The following DPF3 variants were observed in gnomAD, a reference collection of about 807,000 sequenced individuals.
DPF3 encodes the protein double PHD fingers 3.
DPF3 carries 18 observed loss-of-function variants against 56.8 expected under a neutral mutation model. That is an observed-to-expected ratio of 0.32 (90% CI 0.22 to 0.47). The LOEUF (loss-of-function observed/expected upper bound fraction) is 0.47. Ranked by LOEUF, DPF3 falls within the 20% of genes least tolerant of loss-of-function variation. The pLI is 1.00. For synonymous variants in DPF3, 188 were observed against 180.2 expected (o/e 1.04, Z -0.35); for missense variants, 403 against 488.8 (o/e 0.82, Z 1.65).
chr14:72,621,140 CAAA>C (rs36094507), intron 9 of DPF3, among the ~76,000 whole-genome samples: 6,873 of 122,018 alleles, frequency 0.056, 191 homozygotes, highest in Middle Eastern at 0.12. Context: ...GACTCTGTCT[CAAA>C]AAAAAAAAAA....
At chr14:72,881,114 C>T (rs1009675444) in intron 1 of DPF3, among the ~76,000 whole-genome samples, 4 of 152,210 alleles carry the variant, frequency 2.6e-5, no homozygotes, top group African/African-American at 9.7e-5. Flanking sequence ...AGCCATCATC[C>T]TCCTGCAGCT....
chr14:72,836,709 A>C, intron 1 of DPF3, among the ~76,000 whole-genome samples: 1 of 152,020 alleles, frequency 6.6e-6, no homozygotes, highest in East Asian at 1.9e-4. Context: ...TCCTAACAGG[A>C]CTAGCTCTCA....
chr14:72,869,664 TGG>T (rs1157183327), intron 1 of DPF3, among the ~76,000 whole-genome samples: 2 of 152,120 alleles, frequency 1.3e-5, no homozygotes, highest in South Asian at 2.1e-4. Flanking sequence ...GCTTACCTCC[TGG>T]GGAATGTGGG....
chr14:72,668,186 T>A (rs1033926937), intron 8 of DPF3, among the ~76,000 whole-genome samples: 2 of 152,180 alleles, frequency 1.3e-5, no homozygotes, highest in Admixed American at 1.3e-4. Flanking sequence ...AGCTTCCTCA[T>A]CCGACACCTT....
chr14:72,790,803 TC>T (rs1343303643), intron 1 of DPF3, among the ~76,000 whole-genome samples: 2 of 152,036 alleles, frequency 1.3e-5, no homozygotes, highest in Non-Finnish European at 2.9e-5. Flanking sequence ...GCCTTACTTC[TC>T]CCCCCTCAAG....
At chr14:72,830,758 A>G (rs1884018746) in intron 1 of DPF3, among the ~76,000 whole-genome samples, 2 of 152,210 alleles carry the variant, frequency 1.3e-5, no homozygotes, top group South Asian at 4.1e-4. Context: ...GACCTTACAC[A>G]TAATATAGTG....
At chr14:72,774,391 T>C (rs999872571) in intron 1 of DPF3, among the ~76,000 whole-genome samples, 1 of 152,074 alleles carries the variant, frequency 6.6e-6, no homozygotes, top group Non-Finnish European at 1.5e-5. Context: ...CTGTTTTTCA[T>C]GGCAGCTGTA....
intron 1 of DPF3, among the ~76,000 whole-genome samples, chr14:72,846,751 GCCC>G: frequency 6.6e-6 from 1 of 152,060 alleles, no homozygotes; most frequent in Non-Finnish European, 1.5e-5. Context: ...AACTTCCAGA[GCCC>G]TTTACTGGAG....
chr14:72,702,108 C>T (rs1269624437), intron 6 of DPF3, among the ~76,000 whole-genome samples: 1 of 152,188 alleles, frequency 6.6e-6, no homozygotes, highest in Non-Finnish European at 1.5e-5. Flanking sequence ...GAGCCCTGGT[C>T]TGTCTGCCCT....
At chr14:72,680,937 A>T (rs1485215832) in intron 7 of DPF3, among the ~76,000 whole-genome samples, 1 of 152,254 alleles carries the variant, frequency 6.6e-6, no homozygotes, top group African/African-American at 2.4e-5. Flanking sequence ...AGAAAGAGAC[A>T]GAAAAGCCAA....
intron 8 of DPF3, among the ~76,000 whole-genome samples, chr14:72,663,817 G>A (rs1452776720): frequency 6.6e-6 from 1 of 152,032 alleles, no homozygotes; most frequent in African/African-American, 2.4e-5. Context: ...CAAATGAGCA[G>A]CTCAGCCTCT....
rs951742559 is a variant in DPF3 at position 72,799,939 on chromosome 14, C to A, written c.33-28046G>T. ...AAGAGGACCTTGCTGAGCCCCTAGA[C>A]CGAGTCACGAGTGAAGAAGATACAC... is the stretch of plus-strand genomic sequence containing the variant. On this transcript the variant is annotated intron_variant, in intron 1 of 10. Coordinates refer to ENST00000556509, the MANE Select transcript of DPF3 (RefSeq NM_001280542.3). Among the ~76,000 whole-genome samples, 12 of 152,250 alleles carry A rather than the reference C, an allele frequency of 7.9e-5. No individual in the cohort carries two copies. The South Asian group carries it at 1.5e-3, about 18-fold the overall frequency.
intron 1 of DPF3, among the ~76,000 whole-genome samples, chr14:72,863,618 CTA>C (rs369279818): frequency 4.0e-4 from 60 of 150,918 alleles, no homozygotes; most frequent in African/African-American, 1.5e-3. Context: ...GCCCACATGC[CTA>C]TATAGAGTGG....
In DPF3 at chr14:72,619,094, G is replaced by A. The variant is rs755438537; in HGVS notation, c.*203C>T. Among the ~76,000 whole-genome samples, 42 of 152,352 alleles carry A rather than the reference G, an allele frequency of 2.8e-4. No homozygotes were observed. Among genetic ancestry groups the A allele is most frequent in the Non-Finnish European group, 4.6e-4 (31 of 68,030 alleles). ...AACTTCCTTCCGGTAGAGACAAGGA[G>A]GTGCTGGCTGAAGTTCCGTACATAT... On this transcript the variant is annotated 3_prime_UTR_variant, in exon 11 of 11. Transcript: ENST00000556509.
chr14:72,745,043 C>G (rs1473812436), intron 3 of DPF3, among the ~76,000 whole-genome samples: 2 of 151,642 alleles, frequency 1.3e-5, no homozygotes, highest in Non-Finnish European at 2.9e-5. Flanking sequence ...GGAGGTCACA[C>G]CAGGAGGCTG....
chr14:72,768,219 C>T (rs1045083680), intron 2 of DPF3, among the ~76,000 whole-genome samples: 4 of 152,068 alleles, frequency 2.6e-5, no homozygotes, highest in South Asian at 2.1e-4. Flanking sequence ...AGAAAAACAA[C>T]GAAGGAGTAA....
intron 1 of DPF3, among the ~76,000 whole-genome samples, chr14:72,879,492 T>G (rs1464540301): frequency 6.6e-6 from 1 of 152,110 alleles, no homozygotes; most frequent in Non-Finnish European, 1.5e-5. Context: ...GAGAAGAGTA[T>G]GTTCAGCTCT....
intron 5 of DPF3, 41 bp from the exon 6 acceptor site, chr14:72,714,542 C>G (rs1888821054): frequency 6.2e-7 from 1 of 1,609,646 alleles, no homozygotes; most frequent in Non-Finnish European, 8.5e-7. Context: ...TTACCATGGT[C>G]ATCACTACAG....
At chr14:72,646,450 A>G (rs1885727742) in intron 8 of DPF3, among the ~76,000 whole-genome samples, 1 of 152,152 alleles carries the variant, frequency 6.6e-6, no homozygotes, top group Non-Finnish European at 1.5e-5. Context: ...GATGCCCACA[A>G]CCTCAGATAA....
Sources: gnomAD v4.1 joint callset for allele counts (sites outside exome capture counted in the v4.1 genomes callset) on GRCh38, gnomAD v4.1.1 for gene constraint, MANE v1.5 for transcripts, NCBI Gene and HGNC (gene_info 2026-07-23, HGNC 2026-07-21) for gene names.